The following PREPL variants were observed in gnomAD, a reference collection of about 807,000 sequenced individuals.
PREPL encodes prolyl endopeptidase like.
Under a neutral mutation model 70.6 loss-of-function variants are expected in PREPL, and 77 were observed. The observed-to-expected ratio is 1.09, with a 90% confidence interval of 0.91 to 1.32. PREPL has a LOEUF of 1.32. PREPL is among the 40% of genes most tolerant of loss of function. The probability of loss-of-function intolerance (pLI) is 0.00; values close to 1 mark genes in which losing one functional copy is unlikely to be tolerated. For synonymous variants in PREPL, 315 were observed against 264.8 expected, an observed-to-expected ratio of 1.19 and a Z score of -1.84; for missense variants, 1,002 against 778.2, an observed-to-expected ratio of 1.29 and a Z score of -3.42.
intron 8 of PREPL, among the ~76,000 whole-genome samples, chr2:44,331,098 A>T (rs1294922627): frequency 6.6e-6 from 1 of 152,112 alleles, no homozygotes; most frequent in East Asian, 1.9e-4. Flanking sequence ...ATATGCCACC[A>T]TGCCTGGCTA....
chr2:44,338,542 TG>T lies in PREPL; in HGVS notation c.703-7del. On this transcript the variant is annotated splice_polypyrimidine_tract_variant and splice_region_variant and intron_variant, in intron 6 of 13. Transcript: ENST00000409411. ...TCAGCCGCTGTTCTCATTAGCTACG[TG>T]GAACAAAGTTAGAAGACATATAGGT... 6.3e-7 allele frequency: 1 copy of T among 1,595,262 alleles called. No individual in the cohort carries two copies.
chr2:44,341,576 G>T (rs150175502), intron 5 of PREPL, among the ~76,000 whole-genome samples: 4 of 152,146 alleles, frequency 2.6e-5, no homozygotes, highest in African/African-American at 9.6e-5. Flanking sequence ...GTTACAGGAA[G>T]TGAGAACACA....
In PREPL at chr2:44,326,719, G is replaced by GT; in HGVS notation, c.1471dup (p.Thr491AsnfsTer34). 6.2e-7 allele frequency: 1 copy of GT among 1,613,346 alleles called. No homozygotes were observed. The highest frequency in any genetic ancestry group is 8.5e-7 in the Non-Finnish European group (1 of 1,179,688). On this transcript the variant is annotated frameshift_variant, in exon 10 of 14. Coordinates refer to ENST00000409411, the MANE Select transcript of PREPL (RefSeq NM_001171613.2). LOFTEE classifies it high-confidence loss of function. ...GAGACAGAGCGTACTCACCTCCAAAGTCACCGCTCTCACCAGCTCTGGATT... is the reference window on the plus strand; with the variant it reads ...GAGACAGAGCGTACTCACCTCCAAAGTTCACCGCTCTCACCAGCTCTGGATT...
chr2:44,346,458 T>C, intron 1 of PREPL, 68 bp from the exon 2 acceptor site: 1 of 1,414,428 alleles, frequency 7.1e-7, no homozygotes, highest in Non-Finnish European at 9.9e-7. Flanking sequence ...TTTTTAAAGA[T>C]AAGTAGGTCT....
At chr2:44,343,670 C>T in intron 4 of PREPL, 75 bp downstream of exon 4, 1 of 1,382,968 alleles carries the variant, frequency 7.2e-7, no homozygotes, top group Non-Finnish European at 1.0e-6. Context: ...CCCTCCCTCA[C>T]ATGCGACAAA....
At chr2:44,344,464 A>G (rs2103994031) in intron 3 of PREPL, 56 bp downstream of exon 3, 1 of 1,229,342 alleles carries the variant, frequency 8.1e-7, no homozygotes, top group African/African-American at 1.6e-5. Flanking sequence ...TAAATTTCCT[A>G]TAAAAAATAT....
intron 2 of PREPL, 146 bp from the exon 3 acceptor site, chr2:44,344,732 T>G: frequency 1.8e-6 from 1 of 556,296 alleles, no homozygotes; most frequent in Non-Finnish European, 3.0e-6. Context: ...AATATAAAAT[T>G]GACCATTTTT....
At chr2:44,354,554 G>T (rs1419763308) in intron 1 of PREPL, among the ~76,000 whole-genome samples, 1 of 151,460 alleles carries the variant, frequency 6.6e-6, no homozygotes, top group Non-Finnish European at 1.5e-5. Context: ...TTACTAGTGA[G>T]TTATATTTAT....
At chr2:44,347,640 T>C (rs1023184364) in intron 1 of PREPL, among the ~76,000 whole-genome samples, 7 of 152,210 alleles carry the variant, frequency 4.6e-5, no homozygotes, top group African/African-American at 1.7e-4. Flanking sequence ...AACACTCCAG[T>C]GGTTTGCCTT....
At chr2:44,340,713 A>C (rs925906211) in intron 5 of PREPL, among the ~76,000 whole-genome samples, 1 of 152,144 alleles carries the variant, frequency 6.6e-6, no homozygotes, top group African/African-American at 2.4e-5. Flanking sequence ...AGATCACCTG[A>C]GATCAGGAGT....
At chr2:44,353,561 C>T (rs1177543633) in intron 1 of PREPL, among the ~76,000 whole-genome samples, 1 of 151,476 alleles carries the variant, frequency 6.6e-6, no homozygotes, top group Non-Finnish European at 1.5e-5. Context: ...GCACTCCAAC[C>T]TGGGCGACAG....
At chr2:44,358,963 T>C (rs1677350422) in intron 1 of PREPL, among the ~76,000 whole-genome samples, 1 of 152,164 alleles carries the variant, frequency 6.6e-6, no homozygotes, top group Non-Finnish European at 1.5e-5. Context: ...AATTATACTT[T>C]GAAATGCACT....
chr2:44,340,553 G>A (rs1371301727), intron 5 of PREPL, among the ~76,000 whole-genome samples: 1 of 152,034 alleles, frequency 6.6e-6, no homozygotes, highest in Admixed American at 6.6e-5. Flanking sequence ...TTTGTCAATC[G>A]TTATTTCTTT....
In PREPL at chr2:44,330,003, G is replaced by T. The variant is rs182336637; in HGVS notation, c.1087-891C>A. Among the ~76,000 whole-genome samples the T allele has an allele frequency of 8.1e-4, 123 of 152,242 alleles. 3 individuals are homozygous for T. Among genetic ancestry groups the T allele is most frequent in the Non-Finnish European group, 8.1e-4 (55 of 68,010 alleles). ...CTCATTTTGAAAACTTCACTTTGGG[G>T]CAATAACTGGAGACAGCAAAATGTA... On this transcript the variant is annotated intron_variant, in intron 8 of 13. Transcript: ENST00000409411.
In PREPL at chr2:44,319,521, A is replaced by G. The variant is rs1572828748; in HGVS notation, c.*1835T>C. 1 of 152,362 alleles carries G rather than the reference A, an allele frequency of 6.6e-6. No homozygotes were observed. Among genetic ancestry groups the G allele is most frequent in the Non-Finnish European group, 1.5e-5 (1 of 68,158 alleles). 9.4% of individuals were successfully genotyped at this position (152,362 alleles called of 1,614,324 possible). On this transcript the variant is annotated 3_prime_UTR_variant, in exon 14 of 14. Coordinates refer to ENST00000409411, the MANE Select transcript of PREPL (RefSeq NM_001171613.2). ...TTATGGAGGCTATATTATATAGTCA[A>G]TAACAGAAAATGCTTGAAAGGTTAG...
chr2:44,335,009 T>C, intron 7 of PREPL, among the ~76,000 whole-genome samples: 1 of 152,252 alleles, frequency 6.6e-6, no homozygotes, highest in East Asian at 1.9e-4. Context: ...ATTAATATTA[T>C]TCAGGCTCAT....
rs1317828477 is a variant in PREPL at position 44,346,287 on chromosome 2, T to C, written c.56A>G (p.Tyr19Cys). 1 of 1,612,196 alleles carries C rather than the reference T, an allele frequency of 6.2e-7. No homozygotes were observed. The highest frequency in any genetic ancestry group is 8.5e-7 in the Non-Finnish European group (1 of 1,179,198). Reference sequence around the variant, plus strand: ...TCTTACTTCCACATTGATGATTTCATATTCTTCTTGTGGCTGTGTTTCTAA... The same window carrying C: ...TCTTACTTCCACATTGATGATTTCACATTCTTCTTGTGGCTGTGTTTCTAA... ...TKLETQPQEE[Y>C]EIINVEVKHG... Residue 19 changes from tyrosine (Y) to cysteine (C), a missense_variant, in exon 2 of 14, where the codon TAT becomes TGT. Physicochemically the swap from Tyr to Cys is radical, Grantham distance 194. Transcript: ENST00000409411.
At chr2:44,341,833 T>C (rs975573911) in intron 5 of PREPL, among the ~76,000 whole-genome samples, 2 of 152,062 alleles carry the variant, frequency 1.3e-5, no homozygotes, top group African/African-American at 2.4e-5. Context: ...ATTGAAACCA[T>C]AGCATATATT....
chr2:44,323,505 T>A (rs1673190243), intron 10 of PREPL, 94 bp from the exon 11 acceptor site: 7 of 999,340 alleles, frequency 7.0e-6, no homozygotes, highest in Non-Finnish European at 9.8e-6. Flanking sequence ...CATACTAATA[T>A]GAGAGAAAAT....
Sources: gnomAD v4.1 joint callset for allele counts (sites outside exome capture counted in the v4.1 genomes callset) on GRCh38, gnomAD v4.1.1 for gene constraint, MANE v1.5 for transcripts, NCBI Gene and HGNC (gene_info 2026-07-23, HGNC 2026-07-21) for gene names.